The following OR2L13 variants were observed in gnomAD, a reference collection of about 807,000 sequenced individuals.
OR2L13 encodes olfactory receptor 2L13.
Under a neutral mutation model 15.3 loss-of-function variants are expected in OR2L13, and 14 were observed. The observed-to-expected ratio is 0.91, with a 90% confidence interval of 0.60 to 1.43. OR2L13 has a LOEUF of 1.43. Among genes scored for constraint, OR2L13 ranks in the 40% most tolerant of loss-of-function variants. The probability of loss-of-function intolerance (pLI) is 0.00; values close to 1 mark genes in which losing one functional copy is unlikely to be tolerated. For missense variants in OR2L13, 367 were observed against 387.9 expected (o/e 0.95, Z 0.45); for synonymous variants, 152 against 142.9 (o/e 1.06, Z -0.45).
the OR2L13 span, among the ~76,000 whole-genome samples, chr1:248,044,683 G>GCC: frequency 1.7e-5 from 2 of 117,298 alleles, 1 homozygote; most frequent in Non-Finnish European, 3.1e-5. Context: ...GGCGCCTGTA[G>GCC]TCCCAGCTAC....
the OR2L13 span, chr1:248,038,726 CA>C: frequency 2.5e-6 from 4 of 1,614,108 alleles, no homozygotes; most frequent in Non-Finnish European, 3.4e-6. Context: ...TAAGCTCTAT[CA>C]ACTCTTGTGC....
chr1:248,030,295 C>T, the OR2L13 span: 5 of 152,120 alleles, frequency 3.3e-5, no homozygotes, highest in African/African-American at 1.2e-4. Flanking sequence ...GGGACTCTGG[C>T]AAGTGCTTAA....
exon 3 of OR2L13, chr1:248,099,523 G>T: frequency 6.2e-7 from 1 of 1,613,876 alleles, no homozygotes; most frequent in Non-Finnish European, 8.5e-7. Context: ...CCTCATCCAC[G>T]TGGATCCTCG....
the OR2L13 span, among the ~76,000 whole-genome samples, chr1:247,988,432 A>G: frequency 6.6e-6 from 1 of 152,164 alleles, no homozygotes; most frequent in Non-Finnish European, 1.5e-5. Flanking sequence ...ATTTCATAAC[A>G]TATCATACAT....
At chr1:248,074,242 C>G in the OR2L13 span, among the ~76,000 whole-genome samples, 19 of 152,114 alleles carry the variant, frequency 1.2e-4, no homozygotes, top group South Asian at 3.9e-3. Context: ...TGATTATTCT[C>G]TAGGTAATGG....
At chr1:248,011,881 C>T in the OR2L13 span, among the ~76,000 whole-genome samples, 1 of 152,214 alleles carries the variant, frequency 6.6e-6, no homozygotes, top group East Asian at 1.9e-4. Context: ...CCACTGTGTC[C>T]TGCTCTTTTA....
chr1:247,969,901 T>A, the OR2L13 span, among the ~76,000 whole-genome samples: 1 of 152,182 alleles, frequency 6.6e-6, no homozygotes, highest in Non-Finnish European at 1.5e-5. Context: ...TTGCTAAGAC[T>A]CTGAGACTGA....
upstream of OR2L13, among the ~76,000 whole-genome samples, chr1:248,091,813 C>T (rs1451799866): frequency 6.6e-6 from 1 of 152,068 alleles, no homozygotes; most frequent in Non-Finnish European, 1.5e-5. Flanking sequence ...ATTGTTTTCT[C>T]TAATCCTGTG....
At chr1:248,076,196 A>G in the OR2L13 span, among the ~76,000 whole-genome samples, 145 of 152,158 alleles carry the variant, frequency 9.5e-4, no homozygotes, top group African/African-American at 3.4e-3. Context: ...ATTCTGTTCC[A>G]TTGGTCTATA....
the OR2L13 span, among the ~76,000 whole-genome samples, chr1:248,036,598 T>G: frequency 4.0e-5 from 5 of 123,730 alleles, no homozygotes; most frequent in Non-Finnish European, 9.1e-5. Flanking sequence ...ATTGTTACAC[T>G]TCCTCAAAGG....
chr1:248,072,050 G>A, the OR2L13 span, among the ~76,000 whole-genome samples: 24 of 151,372 alleles, frequency 1.6e-4, no homozygotes, highest in African/African-American at 2.9e-4. Flanking sequence ...TGGCCATACT[G>A]CCCAAGGTAA....
chr1:248,031,485 G>T, the OR2L13 span, among the ~76,000 whole-genome samples: 1 of 152,206 alleles, frequency 6.6e-6, no homozygotes, highest in African/African-American at 2.4e-5. Flanking sequence ...CCCTTCTGGG[G>T]CAGTAGGCAG....
At chr1:247,993,605 G>A in the OR2L13 span, among the ~76,000 whole-genome samples, 1 of 151,910 alleles carries the variant, frequency 6.6e-6, no homozygotes, top group African/African-American at 2.4e-5. Context: ...GGGAGATATG[G>A]GATATGTAAA....
chr1:248,050,755 T>C, the OR2L13 span, among the ~76,000 whole-genome samples: 1 of 152,302 alleles, frequency 6.6e-6, no homozygotes, highest in Non-Finnish European at 1.5e-5. Context: ...TACTTACCAA[T>C]AATTATACTA....
At chr1:248,087,435 A>G in the OR2L13 span, 1 of 152,202 alleles carries the variant, frequency 6.6e-6, no homozygotes, top group East Asian at 1.9e-4. Context: ...AAATACGAGT[A>G]ATTTGAAATT....
the OR2L13 span, among the ~76,000 whole-genome samples, chr1:248,029,523 A>T: frequency 6.6e-6 from 1 of 152,194 alleles, no homozygotes; most frequent in Admixed American, 6.5e-5. Flanking sequence ...TTTTAATAGG[A>T]GAAAAATCAC....
chr1:248,081,660 C>T, the OR2L13 span, among the ~76,000 whole-genome samples: 1 of 152,118 alleles, frequency 6.6e-6, no homozygotes, highest in African/African-American at 2.4e-5. Flanking sequence ...CTTTCTCACC[C>T]TAACACTGGG....
At chr1:248,003,848 T>C in the OR2L13 span, 1 of 1,613,234 alleles carries the variant, frequency 6.2e-7, no homozygotes, top group Admixed American at 1.7e-5. Flanking sequence ...CTACCTGACC[T>C]GCAGCACCCA....
chr1:248,021,884 TG>T, the OR2L13 span: 4 of 1,318,576 alleles, frequency 3.0e-6, no homozygotes, highest in South Asian at 4.1e-5. Flanking sequence ...CTGCAGATAA[TG>T]GGGAACTACT....
Sources: allele counts gnomAD v4.1 joint callset (sites outside exome capture counted in the v4.1 genomes callset), GRCh38; gene constraint gnomAD v4.1.1; transcripts MANE v1.5; gene names NCBI Gene and HGNC (gene_info 2026-07-23, HGNC 2026-07-21).